LINGO2: variants seen among roughly 807,000 people sequenced by gnomAD.
LINGO2 encodes the protein leucine rich repeat and Ig domain containing 2, also known as leucine-rich repeat and immunoglobulin-like domain-containing nogo receptor-interacting protein 2.
Under a neutral mutation model 30.6 loss-of-function variants are expected in LINGO2, and 14 were observed. The ratio of observed to expected loss-of-function variants is 0.46; its 90% CI spans 0.30 to 0.72. The LOEUF (loss-of-function observed/expected upper bound fraction) is 0.72. LINGO2 is among the 30% of genes least tolerant of loss of function. The pLI is 0.07. For missense variants in LINGO2, 729 were observed against 751.7 expected (o/e 0.97, Z 0.35); for synonymous variants, 317 against 288.5 (o/e 1.10, Z -1.00).
chr9:29,161,185 TGCCGAGAGGAGGCGCAGA>T, the LINGO2 span, among the ~76,000 whole-genome samples: 56 of 152,294 alleles, frequency 3.7e-4, no homozygotes, highest in East Asian at 0.01. Flanking sequence ...CAAAGCAGGC[TGCCGAGAGGAGGCGCAGA>T]GCCACAGCAA....
chr9:28,477,056 A>G (rs1175725737), intron 1 of LINGO2, among the ~76,000 whole-genome samples: 1 of 152,204 alleles, frequency 6.6e-6, no homozygotes, highest in East Asian at 1.9e-4. Flanking sequence ...GTTGGCAGAA[A>G]ACAGTAGAAA....
chr9:29,154,506 T>C, the LINGO2 span, among the ~76,000 whole-genome samples: 2 of 150,310 alleles, frequency 1.3e-5, no homozygotes, highest in Non-Finnish European at 1.5e-5. Context: ...TAGGAATCTG[T>C]AAGAGCAACA....
the LINGO2 span, among the ~76,000 whole-genome samples, chr9:28,692,246 C>A: frequency 6.6e-6 from 1 of 151,864 alleles, no homozygotes; most frequent in Non-Finnish European, 1.5e-5. Context: ...AGGTTGAGGT[C>A]GGCGGATCAC....
At chr9:28,478,909 T>G (rs2135207218) in intron 1 of LINGO2, among the ~76,000 whole-genome samples, 1 of 152,194 alleles carries the variant, frequency 6.6e-6, no homozygotes, top group African/African-American at 2.4e-5. Flanking sequence ...TTGAGCTAAC[T>G]TCTGCACTTT....
chr9:28,566,289 A>C (rs376301839), intron 1 of LINGO2, among the ~76,000 whole-genome samples: 1 of 152,258 alleles, frequency 6.6e-6, no homozygotes, highest in African/African-American at 2.4e-5. Flanking sequence ...CCATTTCAAT[A>C]TTTTGTCAAT....
chr9:28,737,279 T>C, the LINGO2 span, among the ~76,000 whole-genome samples: 23 of 152,298 alleles, frequency 1.5e-4, no homozygotes, highest in Non-Finnish European at 2.8e-4. Flanking sequence ...AGATATGTGA[T>C]ACTAAAGCCA....
chr9:28,055,916 G>A (rs1441083427), intron 4 of LINGO2, among the ~76,000 whole-genome samples: 1 of 152,094 alleles, frequency 6.6e-6, no homozygotes, highest in African/African-American at 2.4e-5. Context: ...ATTACTTCTC[G>A]AGACCCTCAC....
At chr9:28,234,384 A>C (rs1486654571) in intron 4 of LINGO2, among the ~76,000 whole-genome samples, 3 of 152,186 alleles carry the variant, frequency 2.0e-5, no homozygotes, top group African/African-American at 7.2e-5. Context: ...TGAAAAACTC[A>C]GTATGGGTAA....
chr9:28,102,838 G>A (rs1481605831), intron 4 of LINGO2, among the ~76,000 whole-genome samples: 2 of 152,102 alleles, frequency 1.3e-5, no homozygotes, highest in Admixed American at 6.6e-5. Context: ...AAATTAAGTG[G>A]ACAGACATTC....
At chr9:28,396,314 A>G (rs1822038324) in intron 2 of LINGO2, among the ~76,000 whole-genome samples, 1 of 152,200 alleles carries the variant, frequency 6.6e-6, no homozygotes, top group Non-Finnish European at 1.5e-5. Flanking sequence ...ATATGGGACT[A>G]TTTTAGAGAG....
At chr9:28,720,410 A>C in the LINGO2 span, among the ~76,000 whole-genome samples, 4 of 152,150 alleles carry the variant, frequency 2.6e-5, no homozygotes, top group African/African-American at 9.6e-5. Context: ...CCTCCTTTGC[A>C]CAACACTGTA....
chr9:29,190,118 C>G, the LINGO2 span, among the ~76,000 whole-genome samples: 4 of 151,994 alleles, frequency 2.6e-5, no homozygotes, highest in African/African-American at 9.7e-5. Context: ...TCATTATCAA[C>G]TTCATACTTT....
rs551024758 is a variant in LINGO2 at position 28,649,128 on chromosome 9, T to C, written c.-365+21072A>G. On this transcript the variant is annotated intron_variant, in intron 1 of 5. Transcript: ENST00000379992. ...TCACCTTTTTCCACTTGAATGCCTA[T>C]GTTTTCAGTCAAAGCAAACCACACA... Among the ~76,000 whole-genome samples the C allele has an allele frequency of 2.0e-3, 310 of 152,258 alleles. 1 individual carries two copies. Among genetic ancestry groups the C allele is most frequent in the Non-Finnish European group, 3.1e-3 (209 of 68,008 alleles).
chr9:28,063,435 A>AT (rs113818728), intron 4 of LINGO2, among the ~76,000 whole-genome samples: 142,125 of 148,782 alleles, frequency 0.96, 67,893 homozygotes, highest in East Asian at 0.98. Flanking sequence ...TATTATCCAC[A>AT]TTTTTTTTTT....
rs548248444 is a variant in LINGO2, at chr9:28,515,514, C to T, written c.-364-39489G>A. On this transcript the variant is annotated intron_variant, in intron 1 of 5. Coordinates refer to ENST00000379992, the Ensembl canonical transcript of LINGO2. ...AACCGCTGCGCCTGGCCAAGAAATA[C>T]ATTTTGTAAGGCTATAGTTGCCATA... Among the ~76,000 whole-genome samples, 10 of 152,270 alleles carry T rather than the reference C, an allele frequency of 6.6e-5. No homozygotes were observed. The East Asian group carries it at 1.9e-3, about 29-fold the overall frequency.
At chr9:28,790,325 C>CTTTTTTT in the LINGO2 span, among the ~76,000 whole-genome samples, 44 of 106,264 alleles carry the variant, frequency 4.1e-4, no homozygotes, top group East Asian at 2.3e-3. Context: ...TCTTTTCTTT[C>CTTTTTTT]TTTTTTTTTT....
chr9:28,990,404 G>A, the LINGO2 span, among the ~76,000 whole-genome samples: 3 of 152,328 alleles, frequency 2.0e-5, no homozygotes, highest in Non-Finnish European at 2.9e-5. Flanking sequence ...ACCTGCCTCT[G>A]TAGGCTCCAC....
the LINGO2 span, among the ~76,000 whole-genome samples, chr9:29,207,989 T>C: frequency 6.6e-6 from 1 of 152,072 alleles, no homozygotes; most frequent in Non-Finnish European, 1.5e-5. Flanking sequence ...TAACTAATAT[T>C]ATTAGCATTA....
At chr9:27,993,820 AG>A (rs1394547716) in intron 5 of LINGO2, among the ~76,000 whole-genome samples, 1 of 152,132 alleles carries the variant, frequency 6.6e-6, no homozygotes, top group African/African-American at 2.4e-5. Context: ...AAACCGACAC[AG>A]AACATTTTAT....
Sources: gnomAD v4.1 joint callset for allele counts (sites outside exome capture counted in the v4.1 genomes callset) on GRCh38, gnomAD v4.1.1 for gene constraint, MANE v1.5 for transcripts, NCBI Gene and HGNC (gene_info 2026-07-23, HGNC 2026-07-21) for gene names.